STAG1: variants seen among roughly 807,000 people sequenced by gnomAD.
STAG1 encodes STAG1 cohesin complex component, also known as cohesin subunit SA-1.
STAG1 carries 26 observed loss-of-function variants against 170.9 expected under a neutral mutation model. The observed-to-expected ratio is 0.15, with a 90% CI of 0.11 to 0.21. STAG1 has a LOEUF of 0.21. Among genes scored for constraint, STAG1 ranks in the 10% least tolerant of loss-of-function variants. The pLI, the probability that STAG1 is intolerant of heterozygous loss-of-function variation, is 1.00. For missense variants in STAG1, 964 were observed against 1,509.5 expected (o/e 0.64, Z 5.99); for synonymous variants, 514 against 497.7 (o/e 1.03, Z -0.44).
At chr3:136,590,441 T>C (rs886625236) in intron 4 of STAG1, among the ~76,000 whole-genome samples, 6 of 145,148 alleles carry the variant, frequency 4.1e-5, no homozygotes, top group African/African-American at 1.5e-4. Flanking sequence ...TGCAGTGAGC[T>C]GAGATCGCGC....
chr3:136,418,047 T>A, intron 20 of STAG1, 75 bp from the exon 21 acceptor site: 2 of 1,136,176 alleles, frequency 1.8e-6, no homozygotes, highest in Non-Finnish European at 2.6e-6. Context: ...TTCAGGTGAG[T>A]GGAAGAATAA....
At chr3:136,739,587 A>G (rs1328235332) in intron 1 of STAG1, among the ~76,000 whole-genome samples, 2 of 151,722 alleles carry the variant, frequency 1.3e-5, no homozygotes, top group Admixed American at 1.3e-4. Context: ...TTGGGAGGTC[A>G]AGGCAGAGGA....
At chr3:136,619,528 C>T (rs148888031) in intron 3 of STAG1, among the ~76,000 whole-genome samples, 34 of 151,838 alleles carry the variant, frequency 2.2e-4, no homozygotes, top group Non-Finnish European at 3.4e-4. Flanking sequence ...GAGGCTGAGG[C>T]TGGTGGATCA....
chr3:136,609,152 G>C (rs1939126087), intron 3 of STAG1: 1 of 153,848 alleles, frequency 6.5e-6, no homozygotes, highest in East Asian at 1.9e-4. Context: ...CTCCTGAAAA[G>C]TGGAAATGAA....
intron 21 of STAG1, among the ~76,000 whole-genome samples, chr3:136,414,239 GACA>G (rs1364155434): frequency 1.3e-5 from 2 of 152,144 alleles, no homozygotes; most frequent in Non-Finnish European, 2.9e-5. Context: ...GATGCTGTTT[GACA>G]ACATTTTCTC....
intron 3 of STAG1, among the ~76,000 whole-genome samples, chr3:136,615,278 A>G (rs1287965139): frequency 6.6e-6 from 1 of 152,096 alleles, no homozygotes; most frequent in Non-Finnish European, 1.5e-5. Context: ...ACCTGACTAA[A>G]AAGTTGTGAA....
intron 5 of STAG1, among the ~76,000 whole-genome samples, chr3:136,561,127 T>C (rs2107751245): frequency 6.6e-6 from 1 of 152,322 alleles, no homozygotes; most frequent in South Asian, 2.1e-4. Flanking sequence ...AAATCTTATC[T>C]CAACATATAT....
In STAG1 at chr3:136,550,768, C is replaced by T. The variant is rs540173702; in HGVS notation, c.395-8573G>A. On this transcript the variant is annotated intron_variant, in intron 5 of 33. Coordinates refer to ENST00000383202, the MANE Select transcript of STAG1 (RefSeq NM_005862.3). The stretch of plus-strand genomic sequence containing the variant: ...ACATCATCTTTAAAGTCTCTACTTC[C>T]ATTTCTAATTTTCACACTTTACTTG... Among the ~76,000 whole-genome samples, 26 of 152,136 alleles carry T rather than the reference C, an allele frequency of 1.7e-4. No homozygotes were observed. In the South Asian group the frequency reaches 5.4e-3, roughly 32 times the overall value.
intron 23 of STAG1, among the ~76,000 whole-genome samples, chr3:136,370,346 T>C (rs1319604599): frequency 6.6e-6 from 1 of 151,968 alleles, no homozygotes; most frequent in African/African-American, 2.4e-5. Context: ...TATGTGTTTC[T>C]TTTTTTAATT....
At chr3:136,370,426 G>A (rs949711477) in intron 23 of STAG1, among the ~76,000 whole-genome samples, 1 of 151,962 alleles carries the variant, frequency 6.6e-6, no homozygotes, top group African/African-American at 2.4e-5. Flanking sequence ...TTGTTACATA[G>A]GTATACATGT....
At chr3:136,416,932 G>A (rs1220130886) in intron 21 of STAG1, among the ~76,000 whole-genome samples, 3 of 146,594 alleles carry the variant, frequency 2.0e-5, no homozygotes, top group South Asian at 4.3e-4. Context: ...TCCAACCTCC[G>A]TCTCCCAGGT....
intron 2 of STAG1, among the ~76,000 whole-genome samples, chr3:136,628,620 T>C (rs142726699): frequency 1.8e-4 from 28 of 152,338 alleles, no homozygotes; most frequent in East Asian, 7.7e-4. Context: ...CTTAGAAAAG[T>C]AGACTAAACA....
chr3:136,495,517 C>T (rs1032019816), intron 9 of STAG1, among the ~76,000 whole-genome samples: 1 of 152,112 alleles, frequency 6.6e-6, no homozygotes, highest in Non-Finnish European at 1.5e-5. Context: ...TGTTCACGAA[C>T]TTATATCAAG....
intron 1 of STAG1, among the ~76,000 whole-genome samples, chr3:136,680,428 TTGTA>T (rs1253846343): frequency 2.0e-5 from 3 of 152,124 alleles, no homozygotes; most frequent in African/African-American, 4.8e-5. Context: ...AACTAAAAGA[TTGTA>T]TGAGTAGAGA....
chr3:136,377,732 C>T lies in STAG1; in HGVS notation c.2298G>A (p.Arg766=), dbSNP rs1362100313. 1.2e-6 allele frequency: 2 copies of T among 1,614,002 alleles called. No individual in the cohort carries two copies. The highest frequency in any genetic ancestry group is 1.7e-6 in the Non-Finnish European group (2 of 1,179,956). ...CAGCCAAAAAGGATTTCACCGTTTT[C>T]CTCAATACCAACAAATCCTCCTGTA... ...SPSKEDLLVL[R]KTVKSFLAVC... is the part of the protein sequence containing the mutation. Residue 766 remains arginine (R), a synonymous_variant, in exon 23 of 34, where the codon AGG becomes AGA. Transcript: ENST00000383202.
intron 16 of STAG1, among the ~76,000 whole-genome samples, chr3:136,432,066 T>C (rs1343743850): frequency 4.6e-5 from 7 of 152,228 alleles, no homozygotes; most frequent in Non-Finnish European, 8.8e-5. Flanking sequence ...ATGATGGTGG[T>C]TCCACACATT....
intron 13 of STAG1, among the ~76,000 whole-genome samples, chr3:136,460,571 C>T (rs1488148754): frequency 6.6e-6 from 1 of 152,026 alleles, no homozygotes; most frequent in African/African-American, 2.4e-5. Flanking sequence ...CATTGTACTC[C>T]AGCCAGGACA....
At chr3:136,714,966 T>TTA (rs1553770578) in intron 1 of STAG1, among the ~76,000 whole-genome samples, 1 of 102,462 alleles carries the variant, frequency 9.8e-6, no homozygotes, top group Non-Finnish European at 2.1e-5. Flanking sequence ...TATATATATT[T>TTA]TATATATATA....
intron 16 of STAG1, among the ~76,000 whole-genome samples, chr3:136,423,528 G>C (rs937735529): frequency 6.6e-6 from 1 of 152,128 alleles, no homozygotes; most frequent in South Asian, 2.1e-4. Flanking sequence ...TCACAAATCT[G>C]TTAAACAGCT....
Sources: allele counts gnomAD v4.1 joint callset (sites outside exome capture counted in the v4.1 genomes callset), GRCh38; gene constraint gnomAD v4.1.1; transcripts MANE v1.5; gene names NCBI Gene and HGNC (gene_info 2026-07-23, HGNC 2026-07-21).